MBD5: variants seen among roughly 807,000 people sequenced by gnomAD.
The protein encoded by MBD5 is methyl-CpG binding domain protein 5, also known as methyl-CpG-binding domain protein 5.
A neutral mutation model predicts 117.3 loss-of-function variants in MBD5; 13 were observed. The observed-to-expected ratio is 0.11, with a 90% CI of 0.07 to 0.18. The LOEUF is 0.18. Among genes scored for constraint, MBD5 ranks in the 10% least tolerant of loss-of-function variants. MBD5 has a pLI of 1.00. For synonymous variants in MBD5, 727 were observed against 766.4 expected, an observed-to-expected ratio of 0.95 and a Z score of 0.85; for missense variants, 1,879 against 2,093.8, an observed-to-expected ratio of 0.90 and a Z score of 2.00.
chr2:148,048,230 A>T (rs976692861), intron 1 of MBD5, among the ~76,000 whole-genome samples: 1 of 152,190 alleles, frequency 6.6e-6, no homozygotes, highest in South Asian at 2.1e-4. Flanking sequence ...AAAGTTGTTG[A>T]CACAATGCCT....
intron 1 of MBD5, among the ~76,000 whole-genome samples, chr2:148,045,349 T>A (rs1694488206): frequency 6.6e-6 from 1 of 152,200 alleles, no homozygotes; most frequent in Non-Finnish European, 1.5e-5. Flanking sequence ...CTAACCATTA[T>A]GCATTGCTAA....
intron 2 of MBD5, among the ~76,000 whole-genome samples, chr2:148,182,982 A>C (rs1478673256): frequency 3.9e-5 from 6 of 152,198 alleles, no homozygotes. Flanking sequence ...TCCCTCTGCC[A>C]CATACCTAAA....
intron 3 of MBD5, among the ~76,000 whole-genome samples, chr2:148,273,208 C>T (rs73013021): frequency 0.017 from 2,545 of 152,218 alleles, 70 homozygotes; most frequent in African/African-American, 0.058. Context: ...TCCTGGGCAT[C>T]GGTCAAACTG....
intron 3 of MBD5, among the ~76,000 whole-genome samples, chr2:148,265,357 G>A (rs1700831206): frequency 6.6e-6 from 1 of 152,120 alleles, no homozygotes; most frequent in African/African-American, 2.4e-5. Context: ...AAAGTAGGAT[G>A]ATAGTACATA....
At chr2:148,436,860 C>T (rs1318685632) in intron 4 of MBD5, among the ~76,000 whole-genome samples, 1 of 151,974 alleles carries the variant, frequency 6.6e-6, no homozygotes, top group Non-Finnish European at 1.5e-5. Flanking sequence ...AAGTGTAACA[C>T]ATTAGGGATC....
chr2:148,084,864 T>A (rs1312585017), intron 1 of MBD5, among the ~76,000 whole-genome samples: 1 of 152,236 alleles, frequency 6.6e-6, no homozygotes, highest in Non-Finnish European at 1.5e-5. Flanking sequence ...TACCTCTGGC[T>A]AATAATATTT....
At chr2:148,030,410 A>C (rs1694005758) in intron 1 of MBD5, among the ~76,000 whole-genome samples, 1 of 152,224 alleles carries the variant, frequency 6.6e-6, no homozygotes, top group African/African-American at 2.4e-5. Context: ...AAAGCACATC[A>C]CAAAATAATA....
chr2:148,231,612 T>A (rs558386298), intron 2 of MBD5, among the ~76,000 whole-genome samples: 98 of 152,288 alleles, frequency 6.4e-4, no homozygotes, highest in Middle Eastern at 3.4e-3. Context: ...TGGAGATTTC[T>A]ATTCTGCCAT....
intron 3 of MBD5, among the ~76,000 whole-genome samples, chr2:148,235,251 T>C (rs1289676692): frequency 6.6e-6 from 1 of 152,208 alleles, no homozygotes; most frequent in Non-Finnish European, 1.5e-5. Context: ...CTTGCTTGAA[T>C]TTTTAGATGC....
At chr2:148,315,772 C>T (rs914654878) in intron 3 of MBD5, among the ~76,000 whole-genome samples, 20 of 152,282 alleles carry the variant, frequency 1.3e-4, no homozygotes, top group South Asian at 4.2e-4. Flanking sequence ...TGTATACCAC[C>T]CATGTATCTT....
chr2:148,118,025 T>C (rs1384047410), intron 1 of MBD5, among the ~76,000 whole-genome samples: 1 of 152,210 alleles, frequency 6.6e-6, no homozygotes, highest in Non-Finnish European at 1.5e-5. Flanking sequence ...TAAAGCATCT[T>C]GTCCTGTGTC....
chr2:148,326,264 T>C (rs1190347550), intron 3 of MBD5, among the ~76,000 whole-genome samples: 1 of 152,214 alleles, frequency 6.6e-6, no homozygotes, highest in Non-Finnish European at 1.5e-5. Context: ...AAGTATGTGG[T>C]AAATTTTGGA....
chr2:148,479,067 T>G (rs2105034851), intron 8 of MBD5, among the ~76,000 whole-genome samples: 1 of 152,318 alleles, frequency 6.6e-6, no homozygotes, highest in African/African-American at 2.4e-5. Context: ...GATTAAGTGG[T>G]TCAGAAATAA....
In MBD5 at chr2:148,509,680, C is replaced by T. The variant is rs565827526; in HGVS notation, c.5037-380C>T. 3.9e-4 allele frequency among the ~76,000 whole-genome samples: 59 copies of T among 152,294 alleles called. 2 individuals are homozygous for T. Among genetic ancestry groups the T allele is most frequent in the African/African-American group, 1.2e-3 (51 of 41,544 alleles). On this transcript the variant is annotated intron_variant, in intron 12 of 13. Transcript: ENST00000642680. ...TCCGCCCTTCCTCTGATCACACAGT[C>T]AGGCTGACTGAGAAAGAAACAAGAA... is the stretch of plus-strand genomic sequence containing the variant.
At chr2:148,276,829 T>C (rs977050003) in intron 3 of MBD5, among the ~76,000 whole-genome samples, 2 of 152,196 alleles carry the variant, frequency 1.3e-5, no homozygotes, top group African/African-American at 4.8e-5. Context: ...TGTTTTTATA[T>C]GTATGATGAC....
chr2:148,474,675 A>T (rs1680903217), intron 8 of MBD5, among the ~76,000 whole-genome samples: 1 of 152,220 alleles, frequency 6.6e-6, no homozygotes. Flanking sequence ...CATGACAAGA[A>T]TATAAATAAG....
chr2:148,516,435 G>A lies in MBD5; in HGVS notation c.*3494G>A, dbSNP rs1682345048. The A allele has an allele frequency of 6.6e-6, 1 of 152,188 alleles. No homozygotes were observed. Among genetic ancestry groups the A allele is most frequent in the Admixed American group, 6.5e-5 (1 of 15,280 alleles). The allele number at this position is 152,188 out of a possible 1,614,324, so 9.4% of individuals were successfully genotyped here. On this transcript the variant is annotated 3_prime_UTR_variant, in exon 14 of 14. Transcript: ENST00000642680. ...AATGCAAGACTCAAGACTTTTCAAT[G>A]TAGTATATCAAATGAGTTGTGCATT...
rs1012745463 is a variant in MBD5 at position 148,514,278 on chromosome 2, C to G, written c.*1337C>G. ...AATGTAGAGAGAAAATACTACATTACAAGTATACAAACCTAAAACTGTGAG... is the reference window on the plus strand; with the variant it reads ...AATGTAGAGAGAAAATACTACATTAGAAGTATACAAACCTAAAACTGTGAG... On this transcript the variant is annotated 3_prime_UTR_variant, in exon 14 of 14. Coordinates refer to ENST00000642680, the MANE Select transcript of MBD5 (RefSeq NM_001378120.1). 5 of 152,038 alleles carry G rather than the reference C, an allele frequency of 3.3e-5. No individual in the cohort carries two copies. The highest frequency in any genetic ancestry group is 1.2e-4 in the African/African-American group (5 of 41,392). 9.4% of individuals were successfully genotyped at this position (152,038 alleles called of 1,614,324 possible). A position where few individuals can be genotyped will look rare whatever the true frequency, so the allele number is the denominator to read the frequency against.
intron 2 of MBD5, among the ~76,000 whole-genome samples, chr2:148,184,112 A>G (rs1698594882): frequency 1.3e-5 from 2 of 151,554 alleles, no homozygotes; most frequent in Non-Finnish European, 1.5e-5. Context: ...CCTGGGCCCA[A>G]GCGATTCTCC....
Sources: allele counts gnomAD v4.1 joint callset (sites outside exome capture counted in the v4.1 genomes callset), GRCh38; gene constraint gnomAD v4.1.1; transcripts MANE v1.5; gene names NCBI Gene and HGNC (gene_info 2026-07-23, HGNC 2026-07-21).